The following ARID5B variants were observed in gnomAD, a reference collection of about 807,000 sequenced individuals.
The protein encoded by ARID5B is AT-rich interaction domain 5B.
A neutral mutation model predicts 97.2 loss-of-function variants in ARID5B; 13 were observed. That is an observed-to-expected ratio of 0.13 (90% CI 0.09 to 0.21). The LOEUF (loss-of-function observed/expected upper bound fraction) is 0.21. Ranked by LOEUF, ARID5B falls within the 10% of genes least tolerant of loss-of-function variation. The pLI is 1.00. For synonymous variants in ARID5B, 556 were observed against 570.3 expected, an observed-to-expected ratio of 0.97 and a Z score of 0.36; for missense variants, 1,210 against 1,465.3, an observed-to-expected ratio of 0.83 and a Z score of 2.84.
At chr10:61,957,948 A>T (rs1012204655) in intron 3 of ARID5B, among the ~76,000 whole-genome samples, 1 of 152,158 alleles carries the variant, frequency 6.6e-6, no homozygotes, top group African/African-American at 2.4e-5. Flanking sequence ...GAATATGAAG[A>T]CGAAAGGGAC....
rs10689655 is a variant in ARID5B at position 62,000,831 on chromosome 10, T to TGATA, written c.733+550_733+553dup. ...TACAGTAGATAGACACGTAGAGAGATGATAGATAGATAGATAGATAGATAG... is the reference window on the plus strand; with the variant it reads ...TACAGTAGATAGACACGTAGAGAGATGATAGATAGATAGATAGATAGATAGATAG... On this transcript the variant is annotated intron_variant, in intron 4 of 9. Coordinates refer to ENST00000279873, the MANE Select transcript of ARID5B (RefSeq NM_032199.3). The surrounding 1 kb of genome is among the most constrained non-coding windows in gnomAD (Gnocchi z 4.4). Among the ~76,000 whole-genome samples the TGATA allele has an allele frequency of 0.38, 56,004 of 148,452 alleles. 10,621 individuals are homozygous for TGATA. Among genetic ancestry groups the TGATA allele is most frequent in the African/African-American group, 0.43 (17,319 of 40,074 alleles).
chr10:61,968,607 A>G (rs1183476981), intron 3 of ARID5B, among the ~76,000 whole-genome samples: 2 of 152,180 alleles, frequency 1.3e-5, no homozygotes, highest in African/African-American at 4.8e-5. Flanking sequence ...GTAATCTAAT[A>G]TATTGTCATA....
intron 4 of ARID5B, among the ~76,000 whole-genome samples, chr10:62,037,529 T>C (rs1452862994): frequency 6.6e-6 from 1 of 152,244 alleles, no homozygotes; most frequent in African/African-American, 2.4e-5. Flanking sequence ...TGGCATTGTA[T>C]TGGGGCAAAA....
At chr10:61,988,936 C>CAT (rs745550231) in intron 3 of ARID5B, among the ~76,000 whole-genome samples, 5 of 122,262 alleles carry the variant, frequency 4.1e-5, no homozygotes, top group African/African-American at 1.2e-4. Flanking sequence ...TTTTCTTTTA[C>CAT]TTTTTTTTTT....
chr10:61,941,607 A>T (rs1450349449), intron 3 of ARID5B, among the ~76,000 whole-genome samples: 1 of 152,142 alleles, frequency 6.6e-6, no homozygotes, highest in Non-Finnish European at 1.5e-5. Context: ...AACACCAGTA[A>T]CTGACTGTGG....
In ARID5B at chr10:62,085,769, C is replaced by T. The variant is rs993996582; in HGVS notation, c.1267C>T (p.Arg423Trp). 14 of 1,613,762 alleles carry T rather than the reference C, an allele frequency of 8.7e-6. No homozygotes were observed. The highest frequency in any genetic ancestry group is 1.2e-5 in the Non-Finnish European group (14 of 1,179,972). The change falls in exon 9 of 10, where the codon CGG (arginine) becomes TGG (tryptophan). Residue 423 changes from arginine to tryptophan, a missense_variant. By Grantham distance (101) the Arg-to-Trp change is moderately radical. Transcript: ENST00000279873. The stretch of plus-strand genomic sequence containing the variant: ...TAAGCCCCTGCCTCCAATCAAACCT[C>T]GGAAACAGGAGAACAGTTCACAGGA... ...EDKPLPPIKP[R>W]KQENSSQENE...
intron 9 of ARID5B, among the ~76,000 whole-genome samples, chr10:62,087,868 A>AT (rs199858083): frequency 0.074 from 10,683 of 144,720 alleles, 835 homozygotes; most frequent in Admixed American, 0.23. Flanking sequence ...GATGATGCAG[A>AT]TTTTTTTTTT....
At chr10:61,992,562 GT>G (rs1217178362) in intron 3 of ARID5B, among the ~76,000 whole-genome samples, 2 of 152,084 alleles carry the variant, frequency 1.3e-5, no homozygotes, top group East Asian at 3.9e-4. Context: ...AATATTCTTT[GT>G]TTTGTTTGCA....
At chr10:62,035,865 C>T (rs141120957) in intron 4 of ARID5B, among the ~76,000 whole-genome samples, 3,186 of 152,212 alleles carry the variant, frequency 0.021, 49 homozygotes, top group Non-Finnish European at 0.032. Flanking sequence ...GATCTTGTCA[C>T]CCAGGCTGGA....
At chr10:62,065,076 T>TA (rs1839968930) in intron 7 of ARID5B, among the ~76,000 whole-genome samples, 1 of 152,146 alleles carries the variant, frequency 6.6e-6, no homozygotes, top group African/African-American at 2.4e-5. Flanking sequence ...GCCCGTCCTC[T>TA]AAAGACGGTT....
At chr10:61,939,139 G>C (rs1328622709) in intron 2 of ARID5B, among the ~76,000 whole-genome samples, 1 of 151,958 alleles carries the variant, frequency 6.6e-6, no homozygotes, top group Non-Finnish European at 1.5e-5. Flanking sequence ...GTTGTTGTTT[G>C]TCAAAAATAT....
intron 4 of ARID5B, among the ~76,000 whole-genome samples, chr10:62,047,353 T>C (rs2132926298): frequency 6.6e-6 from 1 of 152,350 alleles, no homozygotes; most frequent in African/African-American, 2.4e-5. Flanking sequence ...AAAACATTCA[T>C]GCAAAGAGCA....
chr10:62,065,837 C>T (rs1460972603), intron 7 of ARID5B, among the ~76,000 whole-genome samples: 1 of 95,564 alleles, frequency 1.0e-5, no homozygotes, highest in Non-Finnish European at 2.1e-5. Flanking sequence ...CAGAGTGAGA[C>T]TCTGTCTCAA....
intron 2 of ARID5B, among the ~76,000 whole-genome samples, chr10:61,911,939 G>C (rs559518826): frequency 6.6e-6 from 1 of 152,236 alleles, no homozygotes; most frequent in East Asian, 1.9e-4. Context: ...ACTGGAAGTT[G>C]GGTTTCTAAC....
Position 61,993,261 on chromosome 10 carries a change from G to C in ARID5B, c.503-6830G>C, listed in dbSNP as rs578072845. Among the ~76,000 whole-genome samples the C allele has an allele frequency of 3.4e-3, 520 of 152,170 alleles. 1 individual carries two copies. Among genetic ancestry groups the C allele is most frequent in the South Asian group, 0.011 (52 of 4,828 alleles). ...TTGGGTACTAAGTTTACTACCTTAA[G>C]AGAGATTGAAAAATACGGCAGGACA... On this transcript the variant is annotated intron_variant, in intron 3 of 9. Coordinates refer to ENST00000279873, the MANE Select transcript of ARID5B (RefSeq NM_032199.3).
Position 62,091,489 on chromosome 10 carries a change from C to A in ARID5B, c.2026C>A (p.Pro676Thr). Residue 676 changes from proline to threonine, a missense_variant, in exon 10 of 10, where the codon CCC becomes ACC. Transcript: ENST00000279873. The part of the protein sequence containing the change: ...MNENHGLNYT[P>T]LLYSRGNPGI... ...CGAGAACCATGGACTTAATTACACG[C>A]CCCTGCTCTACTCTAGGGGCAACCC... The A allele has an allele frequency of 1.9e-6, 3 of 1,613,290 alleles. No homozygotes were observed. The highest frequency in any genetic ancestry group is 2.5e-6 in the Non-Finnish European group (3 of 1,179,656).
chr10:61,907,530 T>C (rs1843727340), intron 2 of ARID5B, among the ~76,000 whole-genome samples: 1 of 152,258 alleles, frequency 6.6e-6, no homozygotes, highest in South Asian at 2.1e-4. Flanking sequence ...GAATCTAGCA[T>C]AGTATAGTAC....
intron 3 of ARID5B, among the ~76,000 whole-genome samples, chr10:61,980,209 G>A (rs564318791): frequency 5.3e-5 from 8 of 152,202 alleles, no homozygotes; most frequent in Non-Finnish European, 1.0e-4. Flanking sequence ...GGGCTCAGGA[G>A]GGCAAAGTGC....
chr10:61,984,159 C>T (rs1464201100), intron 3 of ARID5B, among the ~76,000 whole-genome samples: 1 of 152,160 alleles, frequency 6.6e-6, no homozygotes, highest in Non-Finnish European at 1.5e-5. Context: ...CTGGGATGTG[C>T]TTTACGTTTT....
Sources: gnomAD v4.1 joint callset for allele counts (sites outside exome capture counted in the v4.1 genomes callset) on GRCh38, gnomAD v4.1.1 for gene constraint, Gnocchi (gnomAD v3.1) non-coding constraint, MANE v1.5 for transcripts, NCBI Gene and HGNC (gene_info 2026-07-23, HGNC 2026-07-21) for gene names.